Variants in UST observed in about 807,000 individuals in gnomAD.
UST encodes chondroitin sulfate 2-O-sulfotransferase.
In UST, 21 loss-of-function variants were observed where a neutral mutation model predicts 45.6. That is an observed-to-expected ratio of 0.46 (90% confidence interval 0.33 to 0.66). The LOEUF (loss-of-function observed/expected upper bound fraction) is 0.66. Ranked by LOEUF, UST falls within the 30% of genes least tolerant of loss-of-function variation. The pLI, the probability that UST is intolerant of heterozygous loss-of-function variation, is 0.02. For synonymous variants in UST, 215 were observed against 200.6 expected, an observed-to-expected ratio of 1.07 and a Z score of -0.61; for missense variants, 463 against 512.4, an observed-to-expected ratio of 0.90 and a Z score of 0.93.
intron 1 of UST, among the ~76,000 whole-genome samples, chr6:148,769,750 T>TTGTGTGTGTGTGTGTGTGTGTGTG (rs57316536): frequency 1.4e-5 from 2 of 148,126 alleles, no homozygotes; most frequent in African/African-American, 4.9e-5. Flanking sequence ...GAGCCTGTGT[T>TTGTGTGTGTGTGTGTGTGTGTGTG]TGTGTGTGTG....
chr6:149,045,633 A>G (rs781740858), intron 7 of UST, among the ~76,000 whole-genome samples: 4 of 152,150 alleles, frequency 2.6e-5, no homozygotes, highest in South Asian at 4.1e-4. Flanking sequence ...GGAAGCCCCA[A>G]ATGATTCTAG....
chr6:148,876,527 G>A (rs763166096), intron 1 of UST, among the ~76,000 whole-genome samples: 7 of 152,152 alleles, frequency 4.6e-5, no homozygotes, highest in Non-Finnish European at 1.0e-4. Context: ...CAGGTCATTT[G>A]ATTCTGGAGC....
intron 7 of UST, among the ~76,000 whole-genome samples, chr6:149,057,946 T>C (rs1776591249): frequency 6.6e-6 from 1 of 152,266 alleles, no homozygotes; most frequent in South Asian, 2.1e-4. Context: ...TGTGTATATG[T>C]ACATATAGGT....
At chr6:148,831,708 T>C (rs1361646980) in intron 1 of UST, among the ~76,000 whole-genome samples, 1 of 152,104 alleles carries the variant, frequency 6.6e-6, no homozygotes, top group South Asian at 2.1e-4. Context: ...GGCAAGAAGA[T>C]TGTTTGAGCC....
chr6:149,063,916 GGTGGATA>G (rs1776695135), intron 7 of UST, among the ~76,000 whole-genome samples: 1 of 152,196 alleles, frequency 6.6e-6, no homozygotes, highest in Non-Finnish European at 1.5e-5. Context: ...TTTTTTAGGA[GGTGGATA>G]GTGCCTCAGA....
At chr6:148,922,656 A>G (rs1038661867) in intron 2 of UST, among the ~76,000 whole-genome samples, 1 of 146,814 alleles carries the variant, frequency 6.8e-6, no homozygotes, top group African/African-American at 2.5e-5. Flanking sequence ...TGTATTTTCT[A>G]TAGAGACAGG....
chr6:148,860,674 A>G (rs906393971), intron 1 of UST, among the ~76,000 whole-genome samples: 2 of 152,220 alleles, frequency 1.3e-5, no homozygotes, highest in Non-Finnish European at 2.9e-5. Context: ...TGTTCCATCA[A>G]TACCTAGTTT....
intron 1 of UST, among the ~76,000 whole-genome samples, chr6:148,857,577 G>A (rs1778228709): frequency 6.6e-6 from 1 of 152,064 alleles, no homozygotes; most frequent in Non-Finnish European, 1.5e-5. Context: ...TGCATATGAG[G>A]AAAAGAGACT....
intron 4 of UST, among the ~76,000 whole-genome samples, chr6:148,954,706 A>G (rs1046905318): frequency 1.3e-5 from 2 of 152,220 alleles, no homozygotes; most frequent in African/African-American, 4.8e-5. Context: ...TACCCCTGAC[A>G]TTAAGCAATG....
At chr6:148,868,623 G>A (rs142795106) in intron 1 of UST, among the ~76,000 whole-genome samples, 21 of 152,304 alleles carry the variant, frequency 1.4e-4, no homozygotes, top group African/African-American at 5.1e-4. Flanking sequence ...GAGTATTTAT[G>A]AGCCACGGTA....
At chr6:148,910,862 G>A (rs1779460183) in intron 2 of UST, among the ~76,000 whole-genome samples, 1 of 151,416 alleles carries the variant, frequency 6.6e-6, no homozygotes, top group African/African-American at 2.4e-5. Flanking sequence ...GTTTCTAATC[G>A]TTTAGTCTCA....
At chr6:148,964,237 G>A (rs938810837) in intron 4 of UST, among the ~76,000 whole-genome samples, 173 bp from the exon 5 acceptor site, 1 of 152,160 alleles carries the variant, frequency 6.6e-6, no homozygotes, top group Non-Finnish European at 1.5e-5. Flanking sequence ...CTTCCTGCAT[G>A]ATAATAAAAT....
intron 2 of UST, among the ~76,000 whole-genome samples, chr6:148,933,595 G>A (rs1014011227): frequency 2.0e-5 from 3 of 152,138 alleles, no homozygotes; most frequent in Non-Finnish European, 4.4e-5. Context: ...ATTGCAATGA[G>A]GGGAAATAGA....
At position 148,827,953 on chromosome 6, in the gene UST, A is replaced by G. The variant is rs192003622; in HGVS notation, c.248-59033A>G. On this transcript the variant is annotated intron_variant, in intron 1 of 7. Transcript: ENST00000367463. ...AGGAGAGTAAGAAATTCTTCCTATA[A>G]CAATCTATTTTCATTTGTTCTTTTT... Among the ~76,000 whole-genome samples, 41 of 152,118 alleles carry G rather than the reference A, an allele frequency of 2.7e-4. 1 individual carries two copies. The South Asian group carries it at 3.9e-3, about 15-fold the overall frequency.
intron 1 of UST, among the ~76,000 whole-genome samples, chr6:148,759,671 ACC>A (rs560046880): frequency 6.7e-6 from 1 of 148,392 alleles, no homozygotes; most frequent in Non-Finnish European, 1.5e-5. Flanking sequence ...ACACGGTGAA[ACC>A]CCGTCTGTAC....
At chr6:148,847,656 G>A (rs1778017075) in intron 1 of UST, among the ~76,000 whole-genome samples, 1 of 152,220 alleles carries the variant, frequency 6.6e-6, no homozygotes, top group South Asian at 2.1e-4. Flanking sequence ...TGGTCCATTA[G>A]AATTCTTTTT....
intron 1 of UST, among the ~76,000 whole-genome samples, chr6:148,813,385 A>G (rs1221091912): frequency 6.8e-6 from 1 of 146,888 alleles, no homozygotes. Context: ...TAACAGAATA[A>G]TTTTTTTTTT....
chr6:148,990,860 T>G (rs1265409725), intron 5 of UST, among the ~76,000 whole-genome samples: 1 of 152,192 alleles, frequency 6.6e-6, no homozygotes, highest in Non-Finnish European at 1.5e-5. Context: ...AAGAGCAGTG[T>G]TCCACGTAGA....
intron 1 of UST, among the ~76,000 whole-genome samples, chr6:148,797,075 G>T (rs1367307172): frequency 1.3e-5 from 2 of 152,070 alleles, no homozygotes; most frequent in Admixed American, 1.3e-4. Context: ...TTATAGGCAT[G>T]AGCCACCGCG....
Sources: allele counts gnomAD v4.1 joint callset (sites outside exome capture counted in the v4.1 genomes callset), GRCh38; gene constraint gnomAD v4.1.1; transcripts MANE v1.5; gene names NCBI Gene and HGNC (gene_info 2026-07-23, HGNC 2026-07-21).